Variants in ZMYND11 observed in about 807,000 individuals in gnomAD.
ZMYND11 encodes the protein zinc finger MYND-type containing 11, also known as zinc finger MYND domain-containing protein 11.
A neutral mutation model predicts 84.9 loss-of-function variants in ZMYND11; 9 were observed. The observed-to-expected ratio is 0.11, with a 90% CI of 0.06 to 0.18. The LOEUF (loss-of-function observed/expected upper bound fraction) is 0.18. Ranked by LOEUF, ZMYND11 falls within the 10% of genes least tolerant of loss-of-function variation. The pLI is 1.00. For missense variants in ZMYND11, 409 were observed against 761.0 expected (o/e 0.54, Z 5.44); for synonymous variants, 250 against 244.1 (o/e 1.02, Z -0.23).
At chr10:175,344 G>T (rs1846359156) in intron 1 of ZMYND11, among the ~76,000 whole-genome samples, 1 of 152,156 alleles carries the variant, frequency 6.6e-6, no homozygotes, top group South Asian at 2.1e-4. Context: ...TAGGTGGGCG[G>T]ATCACCTGAG....
intron 2 of ZMYND11, among the ~76,000 whole-genome samples, chr10:184,718 C>T (rs766857216): frequency 6.6e-6 from 1 of 152,150 alleles, no homozygotes; most frequent in East Asian, 1.9e-4. Flanking sequence ...TGCCATAGTC[C>T]TCTCTGTTGG....
Position 249,283 on chromosome 10 carries a change from G to A in ZMYND11, c.1686+195G>A. The A allele has an allele frequency of 3.5e-6, 5 of 1,419,640 alleles. No individual in the cohort carries two copies. In the South Asian group the frequency reaches 6.2e-5, roughly 18 times the overall value. The allele number at this position is 1,419,640 out of a possible 1,614,324, so 87.9% of individuals were successfully genotyped here. ...TCAACCCCAGATCCCATATTACTGTGTACTGCTCAGGATTATTTTGTTAAA... is the reference window on the plus strand; with the variant it reads ...TCAACCCCAGATCCCATATTACTGTATACTGCTCAGGATTATTTTGTTAAA... On this transcript the variant is annotated intron_variant, in intron 14 of 14. Coordinates refer to ENST00000381604, the MANE Select transcript of ZMYND11 (RefSeq NM_001370100.5).
Position 144,640 on chromosome 10 carries a change from C to CT in ZMYND11, c.-20+9104dup, listed in dbSNP as rs11348115. Reference sequence around the variant, plus strand: ...TATGGCTGGCTGAGCGTCTGAATTCCTTTTTTTTTTTTTTTTTTTTTTTAA... The same window carrying CT: ...TATGGCTGGCTGAGCGTCTGAATTCCTTTTTTTTTTTTTTTTTTTTTTTTAA... On this transcript the variant is annotated intron_variant, in intron 1 of 14. Coordinates refer to ENST00000381604, the MANE Select transcript of ZMYND11 (RefSeq NM_001370100.5). 8.0e-3 allele frequency among the ~76,000 whole-genome samples: 880 copies of CT among 109,992 alleles called. 8 individuals are homozygous for CT. Among genetic ancestry groups the CT allele is most frequent in the Middle Eastern group, 0.03 (6 of 200 alleles). The allele number at this position is 109,992 out of a possible 152,430, so 72.2% of individuals were successfully genotyped here.
intron 13 of ZMYND11, 39 bp downstream of exon 13, chr10:248,647 G>T (rs777781859): frequency 1.3e-6 from 2 of 1,558,606 alleles, no homozygotes; most frequent in African/African-American, 1.4e-5. Context: ...TGCTGCAGCC[G>T]GCACTCCTGT....
upstream of ZMYND11, among the ~76,000 whole-genome samples, chr10:131,420 C>G (rs1009492622): frequency 4.6e-5 from 7 of 152,206 alleles, no homozygotes; most frequent in Admixed American, 1.3e-4. Flanking sequence ...GGCACTGGAA[C>G]TAGGCCTGGC....
At chr10:144,762 T>C (rs1424630567) in intron 1 of ZMYND11, among the ~76,000 whole-genome samples, 2 of 148,698 alleles carry the variant, frequency 1.3e-5, no homozygotes, top group African/African-American at 4.9e-5. Flanking sequence ...TGCATACACA[T>C]TTCATTAGCT....
chr10:209,402 G>A (rs1304645410), intron 2 of ZMYND11, among the ~76,000 whole-genome samples: 4 of 152,142 alleles, frequency 2.6e-5, no homozygotes, highest in Non-Finnish European at 5.9e-5. Context: ...ATGTTGACAA[G>A]CACTCGTGTA....
intron 2 of ZMYND11, among the ~76,000 whole-genome samples, chr10:185,448 A>G (rs1043727987): frequency 7.2e-6 from 1 of 138,718 alleles, no homozygotes; most frequent in African/African-American, 2.7e-5. Context: ...AAACTATGTT[A>G]CCGTCATAAT....
At chr10:191,654 ATATTT>A (rs1229813651) in intron 2 of ZMYND11, among the ~76,000 whole-genome samples, 2 of 152,238 alleles carry the variant, frequency 1.3e-5, no homozygotes, top group Non-Finnish European at 2.9e-5. Flanking sequence ...TTGCCATGAA[ATATTT>A]TGTTTTATTT....
chr10:156,765 C>G (rs1841811987), intron 1 of ZMYND11, among the ~76,000 whole-genome samples: 1 of 152,144 alleles, frequency 6.6e-6, no homozygotes, highest in Non-Finnish European at 1.5e-5. Flanking sequence ...GTTGTTTGGT[C>G]TGAGTTTTCA....
At chr10:208,459 A>C (rs1490799516) in intron 2 of ZMYND11, among the ~76,000 whole-genome samples, 1 of 152,118 alleles carries the variant, frequency 6.6e-6, no homozygotes. Flanking sequence ...AAAAACAAAT[A>C]ACCCCAACAA....
intron 1 of ZMYND11, among the ~76,000 whole-genome samples, chr10:146,960 G>A (rs1371206539): frequency 6.6e-6 from 1 of 152,228 alleles, no homozygotes; most frequent in Non-Finnish European, 1.5e-5. Context: ...ATGTGGAACT[G>A]TGAGTTCATT....
chr10:142,084 T>C (rs1588389075), intron 1 of ZMYND11, among the ~76,000 whole-genome samples: 1 of 152,326 alleles, frequency 6.6e-6, no homozygotes, highest in African/African-American at 2.4e-5. Context: ...TGAGAGTTGT[T>C]TGTGGCAGCA....
At chr10:158,445 G>T (rs1030452845) in intron 1 of ZMYND11, among the ~76,000 whole-genome samples, 1 of 149,228 alleles carries the variant, frequency 6.7e-6, no homozygotes, top group African/African-American at 2.5e-5. Flanking sequence ...TTGACACAGG[G>T]TCTCGCTGTG....
chr10:146,260 G>A (rs767895470), intron 1 of ZMYND11, among the ~76,000 whole-genome samples: 35 of 152,122 alleles, frequency 2.3e-4, no homozygotes, highest in Non-Finnish European at 5.9e-5. Flanking sequence ...TCAGTACCAT[G>A]CTGTTTTGCT....
chr10:190,855 C>G (rs959652884), intron 2 of ZMYND11, among the ~76,000 whole-genome samples: 1 of 152,056 alleles, frequency 6.6e-6, no homozygotes, highest in African/African-American at 2.4e-5. Context: ...ATTCCTTATT[C>G]AAGCCCATTT....
At position 246,889 on chromosome 10, in the gene ZMYND11, A is replaced by G; in HGVS notation, c.1074A>G (p.Arg358=). Residue 358 remains arginine (R), a synonymous_variant, in exon 11 of 15, where the codon CGA becomes CGG. Coordinates refer to ENST00000381604, the MANE Select transcript of ZMYND11 (RefSeq NM_001370100.5). ...TGGAGCTGCATCAGCGTTTCCTACG[A>G]GAAGGGAGATTTTGGAAATCTAAGA... ...DELELHQRFL[R]EGRFWKSKNE... is the part of the protein sequence containing the mutation. 3 of 1,613,972 alleles carry G rather than the reference A, an allele frequency of 1.9e-6. No individual in the cohort carries two copies. Among genetic ancestry groups the G allele is most frequent in the Non-Finnish European group, 2.5e-6 (3 of 1,179,984 alleles).
intron 3 of ZMYND11, among the ~76,000 whole-genome samples, chr10:219,800 G>A (rs1946813730): frequency 6.6e-6 from 1 of 152,112 alleles, no homozygotes; most frequent in Non-Finnish European, 1.5e-5. Context: ...TTTGCAGAGT[G>A]TATACATCTG....
At chr10:232,497 TTTTG>T (rs1207825814) in intron 4 of ZMYND11, among the ~76,000 whole-genome samples, 4 of 152,242 alleles carry the variant, frequency 2.6e-5, no homozygotes, top group Non-Finnish European at 5.9e-5. Context: ...GAGTCCTCTT[TTTTG>T]TTTGTGTCAG....
Sources: allele counts gnomAD v4.1 joint callset (sites outside exome capture counted in the v4.1 genomes callset), GRCh38; gene constraint gnomAD v4.1.1; transcripts MANE v1.5; gene names NCBI Gene and HGNC (gene_info 2026-07-23, HGNC 2026-07-21).